IL6: variants seen among roughly 807,000 people sequenced by gnomAD.
The protein encoded by IL6 is interleukin-6.
Under a neutral mutation model 18.0 loss-of-function variants are expected in IL6, and 5 were observed. The observed-to-expected ratio is 0.28, with a 90% CI of 0.15 to 0.58. The LOEUF (loss-of-function observed/expected upper bound fraction) is 0.58. IL6 is among the 20% of genes least tolerant of loss of function. The pLI, the probability that IL6 is intolerant of heterozygous loss-of-function variation, is 0.90. For synonymous variants in IL6, 97 were observed against 95.1 expected (o/e 1.02, Z -0.12); for missense variants, 266 against 251.0 (o/e 1.06, Z -0.40).
At chr7:22,727,668 G>A (rs748239789) in intron 2 of IL6, 34 bp downstream of exon 2, 3 of 1,523,676 alleles carry the variant, frequency 2.0e-6, no homozygotes, top group East Asian at 2.3e-5. Flanking sequence ...TGAAGGGCCC[G>A]GTGCGCATGC....
Position 22,731,464 on chromosome 7 carries a change from C to T in IL6, c.530C>T (p.Thr177Met), listed in dbSNP as rs148828876. 36 of 1,607,270 alleles carry T rather than the reference C, an allele frequency of 2.2e-5. No homozygotes were observed. In the African/African-American group the frequency reaches 3.6e-4, roughly 16 times the overall value. Residue 177 changes from threonine to methionine, a missense_variant, in exon 5 of 5, where the codon ACG becomes ATG. By Grantham distance (81) the Thr-to-Met change is moderately conservative (BLOSUM62 -1). Transcript: ENST00000258743. ...PDPTTNASLL[T>M]KLQAQNQWLQ... ...CCAACCACAAATGCCAGCCTGCTGA[C>T]GAAGCTGCAGGCACAGAACCAGTGG...
intron 2 of IL6, 100 bp downstream of exon 2, chr7:22,727,734 G>C: frequency 1.5e-6 from 2 of 1,346,222 alleles, no homozygotes; most frequent in Non-Finnish European, 2.0e-6. Flanking sequence ...GGTCTTTGCT[G>C]GGTTCTAGAG....
rs777906302 is a variant in IL6 at position 22,728,782 on chromosome 7, A to G, written c.300A>G (p.Gly100=). Residue 100 remains glycine, a synonymous_variant, in exon 3 of 5, where the codon GGA becomes GGG. Coordinates refer to ENST00000258743, the MANE Select transcript of IL6 (RefSeq NM_000600.5). ...LNLPKMAEKD[G]CFQSGFNEET... ...TTCCAAAGATGGCTGAAAAAGATGGATGCTTCCAATCTGGATTCAATGAGG... is the reference window on the plus strand; with the variant it reads ...TTCCAAAGATGGCTGAAAAAGATGGGTGCTTCCAATCTGGATTCAATGAGG... 2 of 1,610,378 alleles carry G rather than the reference A, an allele frequency of 1.2e-6. No homozygotes were observed. The highest frequency in any genetic ancestry group is 2.2e-5 in the South Asian group (2 of 91,008).
chr7:22,728,673 A>G lies in IL6; in HGVS notation c.211-20A>G, dbSNP rs748327899. ...TTTTAGGGACACTTAGGTGATAACA[A>G]TTCTGGTATTCTTTCCCAGACATGT... On this transcript the variant is annotated intron_variant, in intron 2 of 4. Coordinates refer to ENST00000258743, the MANE Select transcript of IL6 (RefSeq NM_000600.5). 1 of 1,401,044 alleles carries G rather than the reference A, an allele frequency of 7.1e-7. No individual in the cohort carries two copies. The highest frequency in any genetic ancestry group is 1.0e-6 in the Non-Finnish European group (1 of 986,324). The allele number at this position is 1,401,044 out of a possible 1,614,324, so 86.8% of individuals were successfully genotyped here.
At chr7:22,728,495 C>T in intron 2 of IL6, 198 bp from the exon 3 acceptor site, 1 of 562,890 alleles carries the variant, frequency 1.8e-6, no homozygotes, top group Non-Finnish European at 3.2e-6. Context: ...AAGTAACACA[C>T]CTAAAGTCAC....
chr7:22,727,951 C>T (rs1262414793), intron 2 of IL6, among the ~76,000 whole-genome samples: 1 of 152,092 alleles, frequency 6.6e-6, no homozygotes. Flanking sequence ...TTTTTGTCCC[C>T]CGGGCTTTGG....
rs536120716 is a variant in IL6 at position 22,730,222 on chromosome 7, GC to G, written c.471+564del. 3.2e-5 allele frequency: 32 copies of G among 985,400 alleles called. No individual in the cohort carries two copies. In the South Asian group the frequency reaches 1.2e-3, roughly 38 times the overall value. 61.0% of individuals were successfully genotyped at this position (985,400 alleles called of 1,614,324 possible). Reference sequence around the variant, plus strand: ...GACTTGCTGGCTAGCATGTGGAGGAGCCAAAGCTCAATAAGAAGGGGCCTAG... The same window carrying G: ...GACTTGCTGGCTAGCATGTGGAGGAGCAAAGCTCAATAAGAAGGGGCCTAG... On this transcript the variant is annotated intron_variant, in intron 4 of 4. Transcript: ENST00000258743.
intron 2 of IL6, 30 bp downstream of exon 2, chr7:22,727,664 GC>G: frequency 6.6e-7 from 1 of 1,526,108 alleles, no homozygotes; most frequent in Non-Finnish European, 8.8e-7. Flanking sequence ...GGGTTGAAGG[GC>G]CCGGTGCGCA....
chr7:22,729,641 T>G lies in IL6; in HGVS notation c.452T>G (p.Ile151Ser). The G allele has an allele frequency of 6.2e-7, 1 of 1,614,120 alleles. No individual in the cohort carries two copies. Residue 151 changes from isoleucine (I) to serine (S), a missense_variant, in exon 4 of 5, where the codon ATC becomes AGC. Transcript: ENST00000258743. The part of the protein sequence containing the change: ...RAVQMSTKVL[I>S]QFLQKKAKNL... ...GTGCAGATGAGTACAAAAGTCCTGA[T>G]CCAGTTCCTGCAGAAAAAGGTGGGT...
At chr7:22,730,194 G>C in intron 4 of IL6, 3 of 985,272 alleles carry the variant, frequency 3.0e-6, no homozygotes, top group Non-Finnish European at 3.6e-6. Context: ...ACAGCAGGGA[G>C]TAGACTTGCT....
intron 4 of IL6, among the ~76,000 whole-genome samples, chr7:22,731,165 G>C (rs1268587691): frequency 4.0e-5 from 6 of 151,774 alleles, no homozygotes; most frequent in African/African-American, 1.5e-4. Context: ...TTGAACCCAG[G>C]AGGCAGAGGT....
chr7:22,729,979 C>G, intron 4 of IL6: 1 of 985,308 alleles, frequency 1.0e-6, no homozygotes, highest in Non-Finnish European at 1.2e-6. Context: ...GCATCCAACT[C>G]CAGCCAGTGA....
Position 22,728,779 on chromosome 7 carries a change from T to A in IL6, c.297T>A (p.Asp99Glu). 1 of 1,611,718 alleles carries A rather than the reference T, an allele frequency of 6.2e-7. No individual in the cohort carries two copies. The highest frequency in any genetic ancestry group is 8.5e-7 in the Non-Finnish European group (1 of 1,177,770). ...NLNLPKMAEK[D>E]GCFQSGFNEE... ...ACCTTCCAAAGATGGCTGAAAAAGA[T>A]GGATGCTTCCAATCTGGATTCAATG... Residue 99 changes from aspartate (D) to glutamate (E), a missense_variant, in exon 3 of 5, where the codon GAT becomes GAA. Physicochemically the swap from Asp to Glu is conservative, Grantham distance 45. Coordinates refer to ENST00000258743, the MANE Select transcript of IL6 (RefSeq NM_000600.5).
intron 1 of IL6, 23 bp from the exon 2 acceptor site, chr7:22,727,421 G>A: frequency 1.2e-6 from 2 of 1,613,612 alleles, no homozygotes; most frequent in Non-Finnish European, 1.7e-6. Flanking sequence ...GCTCACCCCT[G>A]CGCTCGCTCC....
At chr7:22,728,469 A>G in intron 2 of IL6, 1 of 508,668 alleles carries the variant, frequency 2.0e-6, no homozygotes, top group Non-Finnish European at 3.5e-6. Flanking sequence ...AGATAAGGAA[A>G]CTGAGACTCA....
rs745672376 is a variant in IL6 at position 22,727,261 on chromosome 7, CT to C, written c.-1del. ...CTCTATCTCCCCTCCAGGAGCCCAG[CT>C]ATGAACTCCTTCTCCACAAGTAAGT... is the stretch of plus-strand genomic sequence containing the variant. On this transcript the variant is annotated 5_prime_UTR_variant, in exon 1 of 5. Transcript: ENST00000258743. 1.9e-6 allele frequency: 3 copies of C among 1,613,778 alleles called. No homozygotes were observed. The highest frequency in any genetic ancestry group is 1.7e-6 in the Non-Finnish European group (2 of 1,179,978).
chr7:22,727,862 C>A (rs1004035389), intron 2 of IL6, among the ~76,000 whole-genome samples: 1 of 152,148 alleles, frequency 6.6e-6, no homozygotes, highest in African/African-American at 2.4e-5. Context: ...AATCCATGCC[C>A]ACCTTTGGCA....
intron 3 of IL6, among the ~76,000 whole-genome samples, 164 bp from the exon 4 acceptor site, chr7:22,729,350 A>G (rs972802901): frequency 2.6e-5 from 4 of 152,230 alleles, no homozygotes; most frequent in African/African-American, 9.6e-5. Flanking sequence ...TTGTCCAGTT[A>G]TTTAAAATGG....
At chr7:22,730,720 A>C (rs576745033) in intron 4 of IL6, among the ~76,000 whole-genome samples, 1 of 152,296 alleles carries the variant, frequency 6.6e-6, no homozygotes, top group East Asian at 1.9e-4. Context: ...TAAGATAGTG[A>C]TGCTGGTCAG....
Sources: allele counts gnomAD v4.1 joint callset (sites outside exome capture counted in the v4.1 genomes callset), GRCh38; gene constraint gnomAD v4.1.1; transcripts MANE v1.5; gene names NCBI Gene and HGNC (gene_info 2026-07-23, HGNC 2026-07-21).